The following DST variants were observed in gnomAD, a reference collection of about 807,000 sequenced individuals.
The protein encoded by DST is bullous pemphigoid antigen.
Under a neutral mutation model 875.2 loss-of-function variants are expected in DST, and 253 were observed. The ratio of observed to expected loss-of-function variants is 0.29; its 90% CI spans 0.26 to 0.32. DST has a LOEUF of 0.32. DST is among the 10% of genes least tolerant of loss of function. The pLI is 1.00. For synonymous variants in DST, 3,124 were observed against 3,197.1 expected (o/e 0.98, Z 0.77); for missense variants, 8,287 against 9,111.6 (o/e 0.91, Z 3.68).
In DST at chr6:56,900,542, A is replaced by G. The variant is rs769448757; in HGVS notation, c.296T>C (p.Val99Ala). ...AAARLEEVKP[V>A]VEVHHQSEQE... Reference sequence around the variant, plus strand: ...CTCACTCTGATGGTGAACTTCCACCACGGGCTTCACTTCTTCCAGACGGGC... The same window carrying G: ...CTCACTCTGATGGTGAACTTCCACCGCGGGCTTCACTTCTTCCAGACGGGC... Residue 99 changes from valine to alanine, a missense_variant, in exon 3 of 104, where the codon GTG (valine) becomes GCG (alanine). Around this residue, in one of 10 missense-constraint regions of DST, gnomAD observed 1,160 missense variants for 1,424.3 expected, o/e 0.81. Coordinates refer to ENST00000680361, the MANE Select transcript of DST (RefSeq NM_001374736.1). 1 of 1,367,698 alleles carries G rather than the reference A, an allele frequency of 7.3e-7. No individual in the cohort carries two copies. The highest frequency in any genetic ancestry group is 9.8e-7 in the Non-Finnish European group (1 of 1,021,860). The allele number at this position is 1,367,698 out of a possible 1,614,324, so 84.7% of individuals were successfully genotyped here. A position where few individuals can be genotyped will look rare whatever the true frequency, so the allele number is the denominator to read the frequency against.
At chr6:56,895,147 G>T (rs1348995797) in intron 3 of DST, among the ~76,000 whole-genome samples, 2 of 80,608 alleles carry the variant, frequency 2.5e-5, no homozygotes, top group African/African-American at 7.7e-5. Context: ...GAGGCTGGCC[G>T]GGCGGGGGGC....
intron 36 of DST, chr6:56,616,401 A>G: frequency 1.2e-6 from 2 of 1,613,952 alleles, no homozygotes; most frequent in Non-Finnish European, 1.7e-6. Context: ...TTTCTCTGGA[A>G]AGCCTCATAC....
chr6:56,590,445 T>A (rs538441602), intron 49 of DST, among the ~76,000 whole-genome samples: 1 of 152,332 alleles, frequency 6.6e-6, no homozygotes, highest in East Asian at 1.9e-4. Context: ...AAATGTAATA[T>A]ATGCAATCAA....
In DST at chr6:56,954,787, G is replaced by C. The variant is rs1373310721; in HGVS notation, c.-200C>G. Among the ~76,000 whole-genome samples, 2 of 150,026 alleles carry C rather than the reference G, an allele frequency of 1.3e-5. No individual in the cohort carries two copies. Among genetic ancestry groups the C allele is most frequent in the African/African-American group, 4.8e-5 (2 of 41,342 alleles). On this transcript the variant is annotated 5_prime_UTR_variant, in exon 1 of 104. Transcript: ENST00000680361. ...TACGCGAGTGATCCAGGGCTGCGGG[G>C]AGCGCTTGCCATGACTCAGCAGACA...
Position 56,648,964 on chromosome 6 carries a change from T to C in DST, c.1435-275A>G, listed in dbSNP as rs958516997. Among the ~76,000 whole-genome samples the C allele has an allele frequency of 2.0e-5, 3 of 152,184 alleles. No homozygotes were observed. The East Asian group carries it at 5.8e-4, about 29-fold the overall frequency. ...CTGGGGTATTGTATTTAGAAGGCTT[T>C]TGGGGCTCAATCTAAGCACAGCAGA... On this transcript the variant is annotated intron_variant, in intron 12 of 103. Transcript: ENST00000680361.
At chr6:56,786,615 C>G (rs768197968) in intron 4 of DST, among the ~76,000 whole-genome samples, 5 of 152,212 alleles carry the variant, frequency 3.3e-5, no homozygotes, top group Admixed American at 2.0e-4. Context: ...TAACTGCAAC[C>G]TCTGCCTCCT....
At chr6:56,642,721 G>T in intron 15 of DST, 1 of 1,614,084 alleles carries the variant, frequency 6.2e-7, no homozygotes, top group Non-Finnish European at 8.5e-7. Context: ...ATCAAGACTG[G>T]TTCGAGTGCT....
At chr6:56,485,807 G>C (rs1272315129) in intron 87 of DST, among the ~76,000 whole-genome samples, 1 of 151,686 alleles carries the variant, frequency 6.6e-6, no homozygotes, top group Non-Finnish European at 1.5e-5. Context: ...GACATTTTTT[G>C]GTATACACTT....
At chr6:56,767,622 T>C (rs1475402450) in intron 4 of DST, among the ~76,000 whole-genome samples, 1 of 140,094 alleles carries the variant, frequency 7.1e-6, no homozygotes, top group African/African-American at 2.9e-5. Context: ...CTCAAATAAA[T>C]AAATAAATAA....
Position 56,605,747 on chromosome 6 carries a change from C to G in DST, c.8881G>C (p.Val2961Leu), listed in dbSNP as rs540030964. ...ELGTDLANTK[V>L]KLIQGSELPE... ...AATTCTGACCCTTGAATCAACTTAACCTTTGTGTTTGCTAGATCAGTACCT... is the reference window on the plus strand; with the variant it reads ...AATTCTGACCCTTGAATCAACTTAAGCTTTGTGTTTGCTAGATCAGTACCT... Residue 2961 changes from valine to leucine, a missense_variant, in exon 40 of 104, where the codon GTT (valine) becomes CTT (leucine). Physicochemically the swap from Val to Leu is conservative, Grantham distance 32. Coordinates refer to ENST00000680361, the MANE Select transcript of DST (RefSeq NM_001374736.1). 4 of 1,612,754 alleles carry G rather than the reference C, an allele frequency of 2.5e-6. No homozygotes were observed. In the East Asian group the frequency reaches 6.7e-5, roughly 27 times the overall value.
At chr6:56,656,435 A>G (rs1314261401) in intron 10 of DST, among the ~76,000 whole-genome samples, 1 of 152,230 alleles carries the variant, frequency 6.6e-6, no homozygotes, top group East Asian at 1.9e-4. Flanking sequence ...AGTAATAACA[A>G]TCACAAAACA....
intron 55 of DST, among the ~76,000 whole-genome samples, chr6:56,567,719 G>C (rs1019148384): frequency 4.6e-5 from 7 of 151,930 alleles, no homozygotes; most frequent in African/African-American, 1.7e-4. Context: ...ATCACAATAG[G>C]GACAGCTGGG....
chr6:56,517,762 G>A (rs745670503), intron 69 of DST, 142 bp from the exon 70 acceptor site: 5 of 976,072 alleles, frequency 5.1e-6, no homozygotes, highest in Non-Finnish European at 7.3e-6. Flanking sequence ...AATAATTCGT[G>A]ATAATGACTA....
rs2096107811 is a variant in DST at position 56,501,125 on chromosome 6, A to C, written c.19851T>G (p.Val6617=). 6.2e-7 allele frequency: 1 copy of C among 1,612,766 alleles called. No homozygotes were observed. The highest frequency in any genetic ancestry group is 8.5e-7 in the Non-Finnish European group (1 of 1,179,284). The change falls in exon 80 of 104, where the codon GTT becomes GTG. Residue 6617 remains valine (V), a synonymous_variant. Coordinates refer to ENST00000680361, the MANE Select transcript of DST (RefSeq NM_001374736.1). ...TTTCAATGGCTTTAGGGTCTCCTCCAACAGGTTTCTGCTCACTTAGCAAGC... is the reference window on the plus strand; with the variant it reads ...TTTCAATGGCTTTAGGGTCTCCTCCCACAGGTTTCTGCTCACTTAGCAAGC... ...TEGLLSEQKP[V]GGDPKAIEIE...
chr6:56,774,091 G>GC (rs1344235053), intron 4 of DST, among the ~76,000 whole-genome samples: 1 of 140,318 alleles, frequency 7.1e-6, no homozygotes, highest in Non-Finnish European at 1.5e-5. Context: ...TCCAGCCTGG[G>GC]CAACAGAGTG....
chr6:56,552,992 C>A lies in DST; in HGVS notation c.15800G>T (p.Cys5267Phe). ...AAACTTCTGAGTCATGTTCTCCAGA[C>A]AGAATTTCTTACTGTGAAGTTGTTC... ...VTEQLHSKKFCLENMTQKFKE... is the reference protein window; with the variant it reads ...VTEQLHSKKFFLENMTQKFKE... The change falls in exon 61 of 104, where the codon TGT (cysteine) becomes TTT (phenylalanine). Residue 5267 changes from cysteine (C) to phenylalanine (F), a missense_variant. Around this residue, in one of 10 missense-constraint regions of DST, gnomAD observed 1,513 missense variants for 1,677.8 expected, o/e 0.90. Coordinates refer to ENST00000680361, the MANE Select transcript of DST (RefSeq NM_001374736.1). 6.2e-7 allele frequency: 1 copy of A among 1,613,970 alleles called. No homozygotes were observed. Among genetic ancestry groups the A allele is most frequent in the Non-Finnish European group, 8.5e-7 (1 of 1,179,888 alleles).
intron 85 of DST, 24 bp from the exon 86 acceptor site, chr6:56,489,633 T>C: frequency 6.3e-7 from 1 of 1,596,926 alleles, no homozygotes; most frequent in South Asian, 1.1e-5. Flanking sequence ...CACACCTTTG[T>C]CTGAAAATTT....
At position 56,552,181 on chromosome 6, in the gene DST, T is replaced by C. The variant is rs1008365553; in HGVS notation, c.16608+3A>G. On this transcript the variant is annotated splice_donor_region_variant and intron_variant, in intron 61 of 103. Coordinates refer to ENST00000680361, the MANE Select transcript of DST (RefSeq NM_001374736.1). Reference sequence around the variant, plus strand: ...CACTGGGTAAAAATGAAGAGTTCCCTACCTTGAACATGTTAAGCTGCTGAT... The same window carrying C: ...CACTGGGTAAAAATGAAGAGTTCCCCACCTTGAACATGTTAAGCTGCTGAT... 6.3e-7 allele frequency: 1 copy of C among 1,591,160 alleles called. No individual in the cohort carries two copies. Among genetic ancestry groups the C allele is most frequent in the African/African-American group, 1.4e-5 (1 of 73,814 alleles).
chr6:56,633,031 T>A lies in DST; in HGVS notation c.3628A>T (p.Thr1210Ser). 6.2e-7 allele frequency: 1 copy of A among 1,613,764 alleles called. No homozygotes were observed. Among genetic ancestry groups the A allele is most frequent in the Non-Finnish European group, 8.5e-7 (1 of 1,179,818 alleles). The change falls in exon 28 of 104, where the codon ACA (threonine) becomes TCA (serine). Residue 1210 changes from threonine to serine, a missense_variant. Thr to Ser is a moderately conservative substitution (Grantham distance 58). Around this residue, in one of 10 missense-constraint regions of DST, gnomAD observed 3,138 missense variants for 3,116.6 expected, o/e 1.01. Transcript: ENST00000680361. ...TGCTGATGTTCACCAGGTAGCATTGTCTTTATCTAAAGAAGACCAAAGACC... is the reference window on the plus strand; with the variant it reads ...TGCTGATGTTCACCAGGTAGCATTGACTTTATCTAAAGAAGACCAAAGACC... ...IRASNVASIK[T>S]MLPGEHQQVL... is the part of the protein sequence containing the mutation.
Sources: gnomAD v4.1 joint callset for allele counts (sites outside exome capture counted in the v4.1 genomes callset) on GRCh38, gnomAD v4.1.1 for gene constraint, gnomAD v4.1.1 regional missense constraint, MANE v1.5 for transcripts, NCBI Gene and HGNC (gene_info 2026-07-23, HGNC 2026-07-21) for gene names.